The following KIAA0825 variants were observed in gnomAD, a reference collection of about 807,000 sequenced individuals.
The protein encoded by KIAA0825 is uncharacterized protein KIAA0825.
KIAA0825 carries 119 observed loss-of-function variants against 147.6 expected under a neutral mutation model. That is an observed-to-expected ratio of 0.81 (90% CI 0.69 to 0.94). KIAA0825 has a LOEUF of 0.94. KIAA0825 is among the 40% of genes least tolerant of loss of function. The pLI, the probability that KIAA0825 is intolerant of heterozygous loss-of-function variation, is 0.00. For missense variants in KIAA0825, 1,381 were observed against 1,472.7 expected (o/e 0.94, Z 1.02); for synonymous variants, 470 against 518.1 (o/e 0.91, Z 1.26).
chr5:94,166,504 G>GGTTTT (rs1768047062), intron 20 of KIAA0825, among the ~76,000 whole-genome samples: 1 of 100,758 alleles, frequency 9.9e-6, no homozygotes, highest in Non-Finnish European at 2.0e-5. Flanking sequence ...CCTCTTGGTT[G>GGTTTT]TTTTTTTTTT....
At chr5:94,506,990 T>C (rs1226366427) in intron 5 of KIAA0825, among the ~76,000 whole-genome samples, 1 of 152,212 alleles carries the variant, frequency 6.6e-6, no homozygotes, top group African/African-American at 2.4e-5. Flanking sequence ...AATTGCATTA[T>C]ATTATCATAT....
intron 20 of KIAA0825, among the ~76,000 whole-genome samples, chr5:94,314,829 T>TA (rs1779499051): frequency 2.6e-5 from 4 of 151,656 alleles, no homozygotes; most frequent in Admixed American, 2.6e-4. Flanking sequence ...TATATTCTGC[T>TA]AAAAGGGGCT....
intron 15 of KIAA0825, among the ~76,000 whole-genome samples, chr5:94,405,787 G>T (rs1456602491): frequency 6.6e-6 from 1 of 152,162 alleles, no homozygotes; most frequent in African/African-American, 2.4e-5. Flanking sequence ...CACAGGACTA[G>T]ACGGGATGGC....
intron 2 of KIAA0825, among the ~76,000 whole-genome samples, chr5:94,554,257 G>A (rs976950112): frequency 6.6e-6 from 1 of 152,090 alleles, no homozygotes; most frequent in Non-Finnish European, 1.5e-5. Flanking sequence ...CATCTTTATG[G>A]CATGCCATCA....
At chr5:94,615,040 G>T (rs1015675127) in intron 1 of KIAA0825, among the ~76,000 whole-genome samples, 2 of 150,288 alleles carry the variant, frequency 1.3e-5, no homozygotes, top group African/African-American at 4.9e-5. Flanking sequence ...CAAAGGTTCA[G>T]TGACTTATTA....
intron 17 of KIAA0825, among the ~76,000 whole-genome samples, chr5:94,395,138 T>G (rs1750470096): frequency 6.6e-6 from 1 of 152,180 alleles, no homozygotes; most frequent in African/African-American, 2.4e-5. Flanking sequence ...GTATCATCAT[T>G]GAAACTGAGG....
intron 2 of KIAA0825, among the ~76,000 whole-genome samples, chr5:94,573,271 T>G (rs1780318971): frequency 3.8e-5 from 1 of 26,630 alleles, no homozygotes; most frequent in Non-Finnish European, 7.9e-5. Context: ...TTTTTAAGTG[T>G]TTTTTTTTTT....
At chr5:94,471,371 T>C in intron 9 of KIAA0825, 95 bp downstream of exon 9, 1 of 1,275,352 alleles carries the variant, frequency 7.8e-7, no homozygotes, top group Non-Finnish European at 1.1e-6. Context: ...ATTTTCTCTT[T>C]CTCAAATCTT....
chr5:94,470,196 G>T, intron 9 of KIAA0825, 85 bp from the exon 10 acceptor site: 1 of 879,372 alleles, frequency 1.1e-6, no homozygotes, highest in Non-Finnish European at 1.6e-6. Context: ...AAATGGTTTT[G>T]ATTATTAGAT....
At chr5:94,270,643 A>G (rs2150142106) in intron 20 of KIAA0825, among the ~76,000 whole-genome samples, 1 of 152,318 alleles carries the variant, frequency 6.6e-6, no homozygotes, top group East Asian at 1.9e-4. Context: ...ATTGAGATTT[A>G]GCATAAGAGA....
chr5:94,468,316 G>A (rs964399287), intron 10 of KIAA0825, among the ~76,000 whole-genome samples: 4 of 152,076 alleles, frequency 2.6e-5, no homozygotes, highest in African/African-American at 7.2e-5. Context: ...TGTTCTTCAC[G>A]GAAAACATCA....
intron 20 of KIAA0825, among the ~76,000 whole-genome samples, chr5:94,230,287 C>T (rs1195070701): frequency 6.6e-6 from 1 of 152,142 alleles, no homozygotes; most frequent in East Asian, 1.9e-4. Context: ...CATTAATCAC[C>T]CTCAACCTAG....
intron 13 of KIAA0825, among the ~76,000 whole-genome samples, chr5:94,440,551 A>G (rs1418785955): frequency 6.6e-6 from 1 of 152,180 alleles, no homozygotes; most frequent in African/African-American, 2.4e-5. Context: ...AATTTGCTAT[A>G]TAATGTGATT....
At chr5:94,385,630 T>A (rs1375731891) in intron 19 of KIAA0825, among the ~76,000 whole-genome samples, 1 of 152,194 alleles carries the variant, frequency 6.6e-6, no homozygotes, top group Admixed American at 6.5e-5. Flanking sequence ...ATCTTTTCAG[T>A]GTAACTACTG....
chr5:94,462,471 T>C lies in KIAA0825; in HGVS notation c.2162A>G (p.Asp721Gly). Residue 721 changes from aspartate to glycine, a missense_variant, in exon 12 of 21, where the codon GAT becomes GGT. By Grantham distance (94) the Asp-to-Gly change is moderately conservative. Transcript: ENST00000682413. ...ATGAGTGTGAATTTTAAAAATTTTA[T>C]CATCTGTATGCTGATGAGGATTCAA... ...KLLNPHQHTD[D>G]KIFKIHTHCN... 6.5e-7 allele frequency: 1 copy of C among 1,538,504 alleles called. No homozygotes were observed. Among genetic ancestry groups the C allele is most frequent in the South Asian group, 1.2e-5 (1 of 83,224 alleles).
chr5:94,241,138 A>G (rs1244080959), intron 20 of KIAA0825, among the ~76,000 whole-genome samples: 1 of 152,168 alleles, frequency 6.6e-6, no homozygotes, highest in East Asian at 1.9e-4. Context: ...TTATTTGGAA[A>G]TCTTGTTTGG....
chr5:94,617,013 C>A (rs1043294160), intron 1 of KIAA0825, among the ~76,000 whole-genome samples: 1 of 152,136 alleles, frequency 6.6e-6, no homozygotes, highest in East Asian at 1.9e-4. Context: ...TATGGAAAAT[C>A]ACAACCTCTT....
At chr5:94,442,971 G>T (rs1290858613) in intron 13 of KIAA0825, among the ~76,000 whole-genome samples, 1 of 152,124 alleles carries the variant, frequency 6.6e-6, no homozygotes, top group African/African-American at 2.4e-5. Context: ...ATTGGAGGTG[G>T]TTGGTGTTTT....
At chr5:94,413,643 TG>T (rs1228847933) in intron 15 of KIAA0825, 1 of 152,122 alleles carries the variant, frequency 6.6e-6, no homozygotes, top group Non-Finnish European at 1.5e-5. Context: ...GAAAGGAGAA[TG>T]GACGGCAAAG....
Sources: gnomAD v4.1 joint callset for allele counts (sites outside exome capture counted in the v4.1 genomes callset) on GRCh38, gnomAD v4.1.1 for gene constraint, MANE v1.5 for transcripts, NCBI Gene and HGNC (gene_info 2026-07-23, HGNC 2026-07-21) for gene names.